Variants in PLA2G4E observed in about 807,000 individuals in gnomAD.
PLA2G4E encodes the protein phospholipase A2 group IVE.
PLA2G4E carries 84 observed loss-of-function variants against 109.1 expected under a neutral mutation model. That is an observed-to-expected ratio of 0.77 (90% CI 0.65 to 0.92). The LOEUF (loss-of-function observed/expected upper bound fraction) is 0.92. Among genes scored for constraint, PLA2G4E ranks in the 40% least tolerant of loss-of-function variants. The pLI, the probability that PLA2G4E is intolerant of heterozygous loss-of-function variation, is 0.00. For missense variants in PLA2G4E, 1,057 were observed against 1,076.6 expected (o/e 0.98, Z 0.25); for synonymous variants, 469 against 436.1 (o/e 1.08, Z -0.94).
intron 1 of PLA2G4E, among the ~76,000 whole-genome samples, chr15:42,040,937 G>T (rs938261944): frequency 1.3e-5 from 2 of 152,184 alleles, no homozygotes; most frequent in Non-Finnish European, 2.9e-5. Context: ...CTATATAAAA[G>T]ATTATTGCTA....
chr15:42,013,997 T>C (rs1310540112), intron 1 of PLA2G4E, among the ~76,000 whole-genome samples: 1 of 150,878 alleles, frequency 6.6e-6, no homozygotes, highest in Admixed American at 6.6e-5. Context: ...GTTCTAGTGA[T>C]TCTCCTGCCT....
chr15:42,012,146 C>T (rs550958275), intron 2 of PLA2G4E, among the ~76,000 whole-genome samples: 81 of 152,256 alleles, frequency 5.3e-4, no homozygotes, highest in African/African-American at 1.9e-3. Flanking sequence ...GGGCTCAGGG[C>T]CCTCCCACAC....
At chr15:42,050,164 TATCTTCC>T (rs1342655749) in intron 1 of PLA2G4E, among the ~76,000 whole-genome samples, 1 of 152,228 alleles carries the variant, frequency 6.6e-6, no homozygotes, top group African/African-American at 2.4e-5. Context: ...TGTTGACAAA[TATCTTCC>T]ATCTCAGGTG....
At chr15:41,985,581 T>C (rs1049754084) in intron 18 of PLA2G4E, among the ~76,000 whole-genome samples, 5 of 152,290 alleles carry the variant, frequency 3.3e-5, no homozygotes, top group African/African-American at 9.6e-5. Context: ...TTGCCCAATA[T>C]GGCAAATGCT....
At chr15:42,040,781 T>C (rs1302219159) in intron 1 of PLA2G4E, among the ~76,000 whole-genome samples, 6 of 152,234 alleles carry the variant, frequency 3.9e-5, no homozygotes, top group African/African-American at 9.6e-5. Context: ...CATATGGAGA[T>C]CTTTAAAAAT....
At chr15:42,012,907 C>G (rs984645460) in intron 2 of PLA2G4E, among the ~76,000 whole-genome samples, 1 of 152,166 alleles carries the variant, frequency 6.6e-6, no homozygotes, top group Non-Finnish European at 1.5e-5. Flanking sequence ...CTTTTTCCCC[C>G]TTGGGGGCCA....
At chr15:42,018,717 C>G (rs1434829331) in intron 1 of PLA2G4E, among the ~76,000 whole-genome samples, 2 of 152,154 alleles carry the variant, frequency 1.3e-5, no homozygotes, top group Non-Finnish European at 2.9e-5. Context: ...CACACCGTCC[C>G]AGCCCCCTCC....
chr15:42,002,135 C>A (rs1159903322), intron 6 of PLA2G4E, among the ~76,000 whole-genome samples: 2 of 151,992 alleles, frequency 1.3e-5, no homozygotes, highest in African/African-American at 4.8e-5. Context: ...CATGTTGAAA[C>A]CCCGTCTCTA....
rs1555386988 is a variant in PLA2G4E, at chr15:42,010,132, G to GCA, written c.257-2268_257-2267insTG. ...TTCCCTTGGCTTTTCCAGAACACTG[G>GCA]CCCCCCCACCCCGGGCCTGGACCAC... is the stretch of plus-strand genomic sequence containing the variant. On this transcript the variant is annotated intron_variant, in intron 2 of 19. Transcript: ENST00000399518. The GCA allele has an allele frequency of 8.2e-4, 350 of 428,474 alleles. 6 individuals carry two copies. The highest frequency in any genetic ancestry group is 6.2e-3 in the Admixed American group (279 of 45,086). The allele number at this position is 428,474 out of a possible 1,614,324, so 26.5% of individuals were successfully genotyped here.
At chr15:41,984,756 T>A in intron 18 of PLA2G4E, 137 bp from the exon 19 acceptor site, 2 of 820,264 alleles carry the variant, frequency 2.4e-6, no homozygotes, top group East Asian at 5.7e-5. Flanking sequence ...TGTATGGTAT[T>A]TTGAGACTAA....
chr15:41,983,479 T>G (rs1595553694), exon 20 of PLA2G4E: 5 of 427,912 alleles, frequency 1.2e-5, no homozygotes, highest in Non-Finnish European at 1.3e-5. Context: ...TCTCCACAGA[T>G]GTGTGGGAGC....
chr15:42,012,447 C>G (rs1267387449), intron 2 of PLA2G4E, among the ~76,000 whole-genome samples: 1 of 152,220 alleles, frequency 6.6e-6, no homozygotes, highest in Non-Finnish European at 1.5e-5. Context: ...AAATGGGCCT[C>G]CAGGGCCTCT....
rs1381905910 is a variant in PLA2G4E at position 42,000,030 on chromosome 15, G to T, written c.853-30C>A. The T allele has an allele frequency of 2.5e-6, 4 of 1,589,804 alleles. No homozygotes were observed. In the South Asian group the frequency reaches 3.4e-5, roughly 14 times the overall value. On this transcript the variant is annotated intron_variant, in intron 8 of 19. Coordinates refer to ENST00000399518, the Ensembl canonical transcript of PLA2G4E. Reference sequence around the variant, plus strand: ...AGGGATGGGTGGGTTCTGTGAGAGGGGCTGGGGAGCTCCTCTGGCACCCCC... The same window carrying T: ...AGGGATGGGTGGGTTCTGTGAGAGGTGCTGGGGAGCTCCTCTGGCACCCCC...
chr15:42,012,469 T>C (rs1162408534), intron 2 of PLA2G4E, among the ~76,000 whole-genome samples: 2 of 152,168 alleles, frequency 1.3e-5, no homozygotes, highest in African/African-American at 2.4e-5. Context: ...CTCAAGTTGC[T>C]GGGAGCATCG....
intron 2 of PLA2G4E, among the ~76,000 whole-genome samples, chr15:42,008,552 G>C (rs752378379): frequency 6.6e-6 from 1 of 152,240 alleles, no homozygotes; most frequent in Non-Finnish European, 1.5e-5. Context: ...CAACCCAAGT[G>C]TGATGTTGCT....
intron 13 of PLA2G4E, among the ~76,000 whole-genome samples, chr15:41,991,602 C>A (rs979078850): frequency 6.6e-6 from 1 of 152,212 alleles, no homozygotes; most frequent in Non-Finnish European, 1.5e-5. Context: ...CATTTGCCAG[C>A]GCAGTTCCTG....
intron 1 of PLA2G4E, among the ~76,000 whole-genome samples, chr15:42,029,503 T>C (rs1009162810): frequency 6.6e-6 from 1 of 152,264 alleles, no homozygotes; most frequent in African/African-American, 2.4e-5. Flanking sequence ...TTCCCTGCTC[T>C]GTACTCTCTT....
At chr15:42,045,618 T>G (rs1889401215) in intron 1 of PLA2G4E, among the ~76,000 whole-genome samples, 1 of 152,154 alleles carries the variant, frequency 6.6e-6, no homozygotes, top group Non-Finnish European at 1.5e-5. Flanking sequence ...GGACACCACT[T>G]TCTCATGGGT....
chr15:42,007,411 C>T (rs972228464), intron 3 of PLA2G4E, among the ~76,000 whole-genome samples: 1 of 152,228 alleles, frequency 6.6e-6, no homozygotes, highest in African/African-American at 2.4e-5. Context: ...GGTTCTTTCA[C>T]TCTGTGTATT....
Sources: gnomAD v4.1 joint callset for allele counts (sites outside exome capture counted in the v4.1 genomes callset) on GRCh38, gnomAD v4.1.1 for gene constraint, MANE v1.5 for transcripts, NCBI Gene and HGNC (gene_info 2026-07-23, HGNC 2026-07-21) for gene names.